The following PTPRE variants were observed in gnomAD, a reference collection of about 807,000 sequenced individuals.
The protein encoded by PTPRE is protein tyrosine phosphatase receptor type E, also known as receptor-type tyrosine-protein phosphatase epsilon.
PTPRE carries 51 observed loss-of-function variants against 102.0 expected under a neutral mutation model. The ratio of observed to expected loss-of-function variants is 0.50; its 90% confidence interval spans 0.40 to 0.63. The LOEUF is 0.63. Ranked by LOEUF, PTPRE falls within the 30% of genes least tolerant of loss-of-function variation. PTPRE has a pLI of 0.00. For synonymous variants in PTPRE, 345 were observed against 348.2 expected (o/e 0.99, Z 0.10); for missense variants, 752 against 915.1 (o/e 0.82, Z 2.30).
At chr10:128,022,522 G>A (rs1277364854) in intron 2 of PTPRE, among the ~76,000 whole-genome samples, 1 of 152,176 alleles carries the variant, frequency 6.6e-6, no homozygotes, top group African/African-American at 2.4e-5. Context: ...GTGAGAGGGA[G>A]GCACACACCT....
intron 2 of PTPRE, among the ~76,000 whole-genome samples, chr10:128,031,413 C>G (rs1160197006): frequency 6.6e-6 from 1 of 152,238 alleles, no homozygotes; most frequent in African/African-American, 2.4e-5. Context: ...GAGGGCTGTG[C>G]TGTTTCCAAC....
At position 127,917,943 on chromosome 10, in the gene PTPRE, T is replaced by A. The variant is rs539581125; in HGVS notation, c.-31+10634T>A. ...TACTTGGGAGGCTGAGACAGGAGAATCGCTTGAACCCATGACACAGAGGTT... is the reference window on the plus strand; with the variant it reads ...TACTTGGGAGGCTGAGACAGGAGAAACGCTTGAACCCATGACACAGAGGTT... On this transcript the variant is annotated intron_variant, in intron 1 of 20. Transcript: ENST00000254667. Among the ~76,000 whole-genome samples the A allele has an allele frequency of 7.6e-4, 115 of 151,972 alleles. 1 individual carries two copies. The highest frequency in any genetic ancestry group is 2.6e-3 in the African/African-American group (106 of 41,434).
intron 17 of PTPRE, 89 bp from the exon 18 acceptor site, chr10:128,076,514 G>C (rs1564972995): frequency 7.6e-7 from 1 of 1,309,806 alleles, no homozygotes; most frequent in Non-Finnish European, 1.0e-6. Flanking sequence ...TACATTAACT[G>C]GTTTGAGAAC....
At chr10:128,081,937 A>T (rs1422566347) in intron 20 of PTPRE, among the ~76,000 whole-genome samples, 3 of 152,228 alleles carry the variant, frequency 2.0e-5, no homozygotes. Context: ...GAAGAGCCCA[A>T]GTGCAATGTG....
At position 128,072,231 on chromosome 10, in the gene PTPRE, G is replaced by C. The variant is rs757504255; in HGVS notation, c.1464+17G>C. On this transcript the variant is annotated intron_variant, in intron 16 of 20. Transcript: ENST00000254667. ...TTCATAGACGTACGTATGCTGGCCT[G>C]GGTTGTGTTTATGCAGATGTGTTTC... 6.2e-7 allele frequency: 1 copy of C among 1,606,102 alleles called. No homozygotes were observed. Among genetic ancestry groups the C allele is most frequent in the African/African-American group, 1.3e-5 (1 of 74,678 alleles).
intron 1 of PTPRE, among the ~76,000 whole-genome samples, chr10:127,971,228 A>G (rs1480374337): frequency 6.6e-6 from 1 of 152,210 alleles, no homozygotes; most frequent in Non-Finnish European, 1.5e-5. Flanking sequence ...ATTGGAACAA[A>G]TGGTTCACTT....
intron 2 of PTPRE, among the ~76,000 whole-genome samples, chr10:128,013,862 C>G (rs1845210092): frequency 6.6e-6 from 1 of 152,144 alleles, no homozygotes; most frequent in Non-Finnish European, 1.5e-5. Flanking sequence ...CTGACTAAGA[C>G]AGTGTGTAGA....
chr10:128,026,130 C>A (rs1846271684), intron 2 of PTPRE, among the ~76,000 whole-genome samples: 1 of 152,186 alleles, frequency 6.6e-6, no homozygotes, highest in African/African-American at 2.4e-5. Context: ...TCTGCACGGC[C>A]CAGGTGGGCC....
chr10:128,037,420 T>C (rs1847308699), intron 2 of PTPRE, among the ~76,000 whole-genome samples: 1 of 152,214 alleles, frequency 6.6e-6, no homozygotes, highest in African/African-American at 2.4e-5. Flanking sequence ...CTTTGCTCCT[T>C]GGCACATGGC....
chr10:128,030,743 G>A (rs989210731), intron 2 of PTPRE, among the ~76,000 whole-genome samples: 2 of 152,130 alleles, frequency 1.3e-5, no homozygotes, highest in Admixed American at 6.5e-5. Flanking sequence ...GTTGCCAGGG[G>A]AGACTCCTGG....
intron 1 of PTPRE, chr10:127,964,993 G>T (rs770013367): frequency 4.4e-6 from 2 of 456,612 alleles, no homozygotes; most frequent in South Asian, 3.1e-5. Flanking sequence ...TTCTCCCACT[G>T]ACATGGTATG....
chr10:127,998,106 C>T (rs759745939), intron 2 of PTPRE: 1 of 152,198 alleles, frequency 6.6e-6, no homozygotes, highest in Non-Finnish European at 1.5e-5. Context: ...AAATAATGGC[C>T]CCCTTTGGGA....
intron 5 of PTPRE, 55 bp downstream of exon 5, chr10:128,047,892 AG>A: frequency 6.6e-7 from 1 of 1,507,428 alleles, no homozygotes; most frequent in Non-Finnish European, 8.9e-7. Flanking sequence ...CTTTTTTAGC[AG>A]ACACTGAGGT....
rs899791387 is a variant in PTPRE, at chr10:128,049,512, T to A, written c.284-18T>A. The A allele has an allele frequency of 3.1e-6, 5 of 1,612,752 alleles. No individual in the cohort carries two copies. Among genetic ancestry groups the A allele is most frequent in the Non-Finnish European group, 4.2e-6 (5 of 1,179,570 alleles). On this transcript the variant is annotated intron_variant, in intron 5 of 20. Transcript: ENST00000254667. ...GGAATGTGGCTAAATGGCCCCCATGTTTCTTTTGATCCCACAGAGCAGCAA... is the reference window on the plus strand; with the variant it reads ...GGAATGTGGCTAAATGGCCCCCATGATTCTTTTGATCCCACAGAGCAGCAA...
chr10:128,060,422 T>G (rs34751213), intron 7 of PTPRE, among the ~76,000 whole-genome samples: 297 of 152,314 alleles, frequency 1.9e-3, no homozygotes, highest in Non-Finnish European at 3.2e-3. Flanking sequence ...GTGGTGGGAC[T>G]GAGGGTCAGA....
chr10:128,056,421 G>C (rs1848967809), intron 7 of PTPRE, among the ~76,000 whole-genome samples: 1 of 152,208 alleles, frequency 6.6e-6, no homozygotes, highest in African/African-American at 2.4e-5. Flanking sequence ...GGTTGCTCGT[G>C]GGTCTGGCTG....
chr10:128,021,391 C>T (rs1050444961), intron 2 of PTPRE, among the ~76,000 whole-genome samples: 1 of 152,308 alleles, frequency 6.6e-6, no homozygotes, highest in Non-Finnish European at 1.5e-5. Context: ...CTGAGCAAAC[C>T]GCCCCCCTCC....
intron 18 of PTPRE, 105 bp from the exon 19 acceptor site, chr10:128,077,512 C>A (rs916627896): frequency 7.1e-7 from 1 of 1,415,958 alleles, no homozygotes; most frequent in Non-Finnish European, 9.4e-7. Context: ...GCACAGAAGG[C>A]TCAGGGAGGG....
chr10:127,963,616 A>G (rs1176301919), intron 1 of PTPRE, among the ~76,000 whole-genome samples: 1 of 152,060 alleles, frequency 6.6e-6, no homozygotes, highest in East Asian at 1.9e-4. Context: ...CCAATCCTGG[A>G]GTTGTGGGGA....
Sources: allele counts gnomAD v4.1 joint callset (sites outside exome capture counted in the v4.1 genomes callset), GRCh38; gene constraint gnomAD v4.1.1; transcripts MANE v1.5; gene names NCBI Gene and HGNC (gene_info 2026-07-23, HGNC 2026-07-21).